The following PARN variants were observed in gnomAD, a reference collection of about 807,000 sequenced individuals.
The protein encoded by PARN is poly(A)-specific ribonuclease, also known as poly(A)-specific ribonuclease PARN.
In PARN, 71 loss-of-function variants were observed where a neutral mutation model predicts 102.8. That is an observed-to-expected ratio of 0.69 (90% CI 0.57 to 0.84). The LOEUF is 0.84. PARN is among the 40% of genes least tolerant of loss of function. PARN has a pLI of 0.00. For missense variants in PARN, 782 were observed against 760.9 expected, an observed-to-expected ratio of 1.03 and a Z score of -0.33; for synonymous variants, 261 against 252.9, an observed-to-expected ratio of 1.03 and a Z score of -0.30.
rs975983337 is a variant in PARN at position 14,629,647 on chromosome 16, T to G, written c.47A>C (p.Tyr16Ser). 2.5e-6 allele frequency: 4 copies of G among 1,613,344 alleles called. No individual in the cohort carries two copies. The highest frequency in any genetic ancestry group is 3.4e-6 in the Non-Finnish European group (4 of 1,179,368). Residue 16 changes from tyrosine (Y) to serine (S), a missense_variant, in exon 2 of 24, where the codon TAC (tyrosine) becomes TCC (serine). Coordinates refer to ENST00000437198, the MANE Select transcript of PARN (RefSeq NM_002582.4). ...SNFKSNLHKV[Y>S]QAIEEADFFA... ...GAAGTCGGCCTCCTCTATGGCCTGG[T>G]ACACTTTGTGAAGATTACTCTTAAA...
At chr16:14,530,900 C>T (rs772372101) in intron 21 of PARN, among the ~76,000 whole-genome samples, 3 of 152,244 alleles carry the variant, frequency 2.0e-5, no homozygotes, top group Non-Finnish European at 4.4e-5. Flanking sequence ...GTGGGACAGA[C>T]TGACATTGCC....
intron 21 of PARN, among the ~76,000 whole-genome samples, chr16:14,511,957 G>A (rs1258616735): frequency 1.3e-5 from 2 of 152,112 alleles, no homozygotes; most frequent in Admixed American, 6.5e-5. Flanking sequence ...CCAAAGCACT[G>A]GGATTATAGG....
intron 21 of PARN, among the ~76,000 whole-genome samples, chr16:14,535,308 G>C (rs1966564597): frequency 6.6e-6 from 1 of 152,158 alleles, no homozygotes; most frequent in African/African-American, 2.4e-5. Context: ...TCTAGCATTT[G>C]CTAGTGTTTT....
At chr16:14,567,892 C>T (rs1206701966) in intron 18 of PARN, among the ~76,000 whole-genome samples, 1 of 152,202 alleles carries the variant, frequency 6.6e-6, no homozygotes, top group Non-Finnish European at 1.5e-5. Context: ...AACTTTGCAG[C>T]AAGACCTTTA....
chr16:14,493,542 G>A (rs966236135), intron 21 of PARN, among the ~76,000 whole-genome samples: 1 of 152,156 alleles, frequency 6.6e-6, no homozygotes, highest in African/African-American at 2.4e-5. Context: ...ACTGGCACTG[G>A]GTACTGGGAT....
At chr16:14,595,344 G>GCGCACACACACACAAACA (rs1970436215) in intron 12 of PARN, among the ~76,000 whole-genome samples, 1 of 151,944 alleles carries the variant, frequency 6.6e-6, no homozygotes, top group Non-Finnish European at 1.5e-5. Context: ...ATACACCCAT[G>GCGCACACACACACAAACA]CGCACACACA....
intron 21 of PARN, among the ~76,000 whole-genome samples, chr16:14,519,437 T>C (rs1407528628): frequency 6.6e-6 from 1 of 151,984 alleles, no homozygotes; most frequent in Non-Finnish European, 1.5e-5. Flanking sequence ...ATGAGCACTC[T>C]AGCACCCAGA....
chr16:14,491,368 C>G lies in PARN; in HGVS notation c.1481-8541G>C, dbSNP rs142456554. 1.1e-4 allele frequency among the ~76,000 whole-genome samples: 17 copies of G among 151,924 alleles called. No individual in the cohort carries two copies. In the East Asian group the frequency reaches 3.3e-3, roughly 29 times the overall value. On this transcript the variant is annotated intron_variant, in intron 21 of 23. Coordinates refer to ENST00000437198, the MANE Select transcript of PARN (RefSeq NM_002582.4). ...TTAGCTGTTGTCTTCTGAACAGGAC[C>G]AGGTGCTCTCTGAGGGAAGGGATTA...
intron 21 of PARN, among the ~76,000 whole-genome samples, chr16:14,505,717 T>C (rs1278335162): frequency 4.6e-5 from 7 of 152,198 alleles, no homozygotes; most frequent in Non-Finnish European, 1.0e-4. Flanking sequence ...GGTGTACTTA[T>C]AAATCAGCAA....
At position 14,482,648 on chromosome 16, in the gene PARN, G is replaced by C; in HGVS notation, c.1660C>G (p.Arg554Gly). The part of the protein sequence containing the change: ...IPYTLQNHYY[R>G]NNSFTAPSTV... ...GCTGAGAGCTCTTACCTATTGTTGCGGTAATAGTGATTCTGCAGGGTGTAG... is the reference window on the plus strand; with the variant it reads ...GCTGAGAGCTCTTACCTATTGTTGCCGTAATAGTGATTCTGCAGGGTGTAG... The change falls in exon 22 of 24, where the codon CGC (arginine) becomes GGC (glycine). Residue 554 changes from arginine (R) to glycine (G), a missense_variant. Physicochemically the swap from Arg to Gly is moderately radical, Grantham distance 125 (BLOSUM62 -2). Transcript: ENST00000437198. The C allele has an allele frequency of 6.2e-7, 1 of 1,603,190 alleles. No individual in the cohort carries two copies. The highest frequency in any genetic ancestry group is 8.5e-7 in the Non-Finnish European group (1 of 1,176,018).
Position 14,599,921 on chromosome 16 carries a change from G to C in PARN, c.823C>G (p.His275Asp), listed in dbSNP as rs764385694. 5.0e-6 allele frequency: 8 copies of C among 1,603,042 alleles called. No individual in the cohort carries two copies. The African/African-American group carries it at 1.1e-4, about 21-fold the overall frequency. Reference sequence around the variant, plus strand: ...TCACTTACCGAATTAGCAATGGCGTGAATGACTCTAGAAAATCCCACAGCA... The same window carrying C: ...TCACTTACCGAATTAGCAATGGCGTCAATGACTCTAGAAAATCCCACAGCA... ...NDAVGFSRVIHAIANSGKLVI... is the reference protein window; with the variant it reads ...NDAVGFSRVIDAIANSGKLVI... Residue 275 changes from histidine to aspartate, a missense_variant, in exon 12 of 24, where the codon CAC becomes GAC. His to Asp is a moderately conservative substitution (Grantham distance 81). Coordinates refer to ENST00000437198, the MANE Select transcript of PARN (RefSeq NM_002582.4).
chr16:14,458,931 TAC>T (rs1961821948), intron 22 of PARN, among the ~76,000 whole-genome samples: 1 of 152,102 alleles, frequency 6.6e-6, no homozygotes, highest in African/African-American at 2.4e-5. Context: ...ATCCCCCACA[TAC>T]CGAGGAGTGA....
rs762173728 is a variant in PARN, at chr16:14,604,194, A to G, written c.735T>C (p.Asp245=). 6.3e-6 allele frequency: 10 copies of G among 1,599,422 alleles called. No homozygotes were observed. In the South Asian group the frequency reaches 1.0e-4, roughly 16 times the overall value. The stretch of plus-strand genomic sequence containing the variant: ...GCTCTCTTCTTTTGCGTTCTTCTTC[A>G]TCTACTTTGCTGATAACTATATATC... The part of the protein sequence containing the change: ...KERYIVISKV[D]EEERKRREQQ... Residue 245 remains aspartate, a synonymous_variant, in exon 11 of 24, where the codon GAT becomes GAC. Coordinates refer to ENST00000437198, the MANE Select transcript of PARN (RefSeq NM_002582.4).
intron 23 of PARN, among the ~76,000 whole-genome samples, chr16:14,446,412 A>G (rs1192042528): frequency 1.3e-5 from 2 of 152,230 alleles, no homozygotes; most frequent in African/African-American, 2.4e-5. Flanking sequence ...TACAGCGTCT[A>G]GCATGTAGTA....
At chr16:14,463,980 T>G (rs1366079475) in intron 22 of PARN, among the ~76,000 whole-genome samples, 1 of 152,114 alleles carries the variant, frequency 6.6e-6, no homozygotes, top group Non-Finnish European at 1.5e-5. Flanking sequence ...ACTACTGGCA[T>G]GTGCCACCAC....
chr16:14,552,307 A>G (rs1429980004), intron 20 of PARN, among the ~76,000 whole-genome samples: 2 of 152,200 alleles, frequency 1.3e-5, no homozygotes, highest in Non-Finnish European at 2.9e-5. Flanking sequence ...AAGAGAAGAG[A>G]CAAACCAGGG....
At chr16:14,571,153 G>A (rs932970058) in intron 18 of PARN, among the ~76,000 whole-genome samples, 7 of 152,076 alleles carry the variant, frequency 4.6e-5, no homozygotes, top group Admixed American at 3.3e-4. Context: ...GGAGGCTAGG[G>A]TGGGTGGTTC....
chr16:14,625,612 T>C (rs1306982414), intron 5 of PARN, among the ~76,000 whole-genome samples: 1 of 152,264 alleles, frequency 6.6e-6, no homozygotes, highest in African/African-American at 2.4e-5. Context: ...ACTGGTTTAC[T>C]TGCTAATTTA....
At chr16:14,548,545 C>A (rs1967101390) in intron 21 of PARN, among the ~76,000 whole-genome samples, 1 of 152,194 alleles carries the variant, frequency 6.6e-6, no homozygotes, top group African/African-American at 2.4e-5. Context: ...GTGACTGAGA[C>A]ATGGTCCCTA....
Sources: allele counts gnomAD v4.1 joint callset (sites outside exome capture counted in the v4.1 genomes callset), GRCh38; gene constraint gnomAD v4.1.1; transcripts MANE v1.5; gene names NCBI Gene and HGNC (gene_info 2026-07-23, HGNC 2026-07-21).